The following SLC8A1 variants were observed in gnomAD, a reference collection of about 807,000 sequenced individuals.
SLC8A1 encodes the protein solute carrier family 8 member A1.
SLC8A1 carries 18 observed loss-of-function variants against 68.3 expected under a neutral mutation model. That is an observed-to-expected ratio of 0.26 (90% CI 0.18 to 0.39). The LOEUF (loss-of-function observed/expected upper bound fraction) is 0.39. Ranked by LOEUF, SLC8A1 falls within the 10% of genes least tolerant of loss-of-function variation. The pLI is 1.00. For synonymous variants in SLC8A1, 475 were observed against 415.5 expected, an observed-to-expected ratio of 1.14 and a Z score of -1.74; for missense variants, 985 against 1,156.7, an observed-to-expected ratio of 0.85 and a Z score of 2.15.
chr2:40,107,151 C>T (rs1427479277), exon 8 of SLC8A1: 2 of 152,016 alleles, frequency 1.3e-5, no homozygotes, highest in Non-Finnish European at 1.5e-5. Context: ...CCTCCTACTC[C>T]TCTGCTCCCA....
At chr2:40,250,065 T>A (rs1192129070) in intron 2 of SLC8A1, among the ~76,000 whole-genome samples, 1 of 152,206 alleles carries the variant, frequency 6.6e-6, no homozygotes, top group East Asian at 1.9e-4. Flanking sequence ...GTAACCTGAC[T>A]TAACAAGCTA....
intron 2 of SLC8A1, among the ~76,000 whole-genome samples, chr2:40,302,553 G>GTA (rs1175670214): frequency 4.8e-5 from 7 of 146,862 alleles, no homozygotes; most frequent in Middle Eastern, 3.6e-3. Context: ...TCATATATAT[G>GTA]TATATATATC....
intron 2 of SLC8A1, among the ~76,000 whole-genome samples, chr2:40,230,850 G>A (rs1425334592): frequency 6.6e-6 from 1 of 152,110 alleles, no homozygotes; most frequent in Non-Finnish European, 1.5e-5. Flanking sequence ...TTGAAAACTT[G>A]CCTCATATGG....
chr2:40,388,346 T>C (rs1195057701), intron 2 of SLC8A1, among the ~76,000 whole-genome samples: 2 of 152,196 alleles, frequency 1.3e-5, no homozygotes, highest in African/African-American at 4.8e-5. Flanking sequence ...TAATGAGTTC[T>C]GACAGCACGC....
At chr2:40,315,883 C>T (rs544049936) in intron 2 of SLC8A1, among the ~76,000 whole-genome samples, 1 of 152,120 alleles carries the variant, frequency 6.6e-6, no homozygotes, top group African/African-American at 2.4e-5. Flanking sequence ...GCAATGAGAA[C>T]ATTTGTCACT....
rs1027898512 is a variant in SLC8A1 at position 40,378,177 on chromosome 2, G to A, written c.1808+50296C>T. 2.0e-5 allele frequency among the ~76,000 whole-genome samples: 3 copies of A among 152,088 alleles called. 1 individual carries two copies. Among genetic ancestry groups the A allele is most frequent in the Admixed American group, 2.0e-4 (3 of 15,232 alleles). ...AAGAAATAAGAAAAACCACTGAAAT[G>A]CCTAGTATATTTCATATTGATAAGT... On this transcript the variant is annotated intron_variant, in intron 2 of 7. Coordinates refer to ENST00000406785, the Ensembl canonical transcript of SLC8A1.
At chr2:40,466,559 C>G (rs1703685660) in intron 1 of SLC8A1, among the ~76,000 whole-genome samples, 2 of 152,134 alleles carry the variant, frequency 1.3e-5, no homozygotes, top group Admixed American at 1.3e-4. Context: ...CTGCTCTGAG[C>G]CTTGCTTCCC....
At chr2:40,117,502 T>A (rs1192344357) in intron 7 of SLC8A1, among the ~76,000 whole-genome samples, 1 of 147,508 alleles carries the variant, frequency 6.8e-6, no homozygotes, top group East Asian at 2.0e-4. Context: ...GAGGTGGAGG[T>A]TGCAATGACC....
intron 2 of SLC8A1, among the ~76,000 whole-genome samples, chr2:40,209,801 A>C (rs2056235393): frequency 6.6e-6 from 1 of 152,144 alleles, no homozygotes; most frequent in African/African-American, 2.4e-5. Context: ...CAAGATCATC[A>C]GCTGACAGTA....
chr2:40,117,586 T>C (rs963200114), intron 7 of SLC8A1, among the ~76,000 whole-genome samples: 1 of 148,964 alleles, frequency 6.7e-6, no homozygotes, highest in Non-Finnish European at 1.5e-5. Flanking sequence ...AAAAATCAAA[T>C]AAAGTCCTTT....
At chr2:40,127,539 G>A (rs2038393393) in intron 7 of SLC8A1, among the ~76,000 whole-genome samples, 1 of 152,104 alleles carries the variant, frequency 6.6e-6, no homozygotes, top group Admixed American at 6.5e-5. Flanking sequence ...GCATAGTTGT[G>A]GTTACCTGCT....
intron 1 of SLC8A1, among the ~76,000 whole-genome samples, chr2:40,442,474 A>G (rs187692050): frequency 0.011 from 1,700 of 152,158 alleles, 36 homozygotes; most frequent in African/African-American, 0.038. Flanking sequence ...AAAAGAAGTC[A>G]TTTATGCAGC....
intron 2 of SLC8A1, among the ~76,000 whole-genome samples, chr2:40,284,270 T>G (rs762006253): frequency 6.0e-5 from 9 of 149,970 alleles, no homozygotes; most frequent in South Asian, 4.2e-4. Context: ...TATAAATATA[T>G]AGAGACATCT....
At chr2:40,324,563 AT>A (rs2075599436) in intron 2 of SLC8A1, among the ~76,000 whole-genome samples, 1 of 152,154 alleles carries the variant, frequency 6.6e-6, no homozygotes, top group African/African-American at 2.4e-5. Context: ...GAAGTAGCTC[AT>A]TTGTTTATTA....
At chr2:40,366,622 C>G (rs577947400) in intron 2 of SLC8A1, among the ~76,000 whole-genome samples, 9 of 152,104 alleles carry the variant, frequency 5.9e-5, no homozygotes, top group Middle Eastern at 3.4e-3. Flanking sequence ...TTATATAACT[C>G]GCTCAAGGTC....
At chr2:40,462,601 A>G (rs910729149) in intron 1 of SLC8A1, among the ~76,000 whole-genome samples, 4 of 151,818 alleles carry the variant, frequency 2.6e-5, no homozygotes, top group Middle Eastern at 3.4e-3. Flanking sequence ...TTAGCCCAGG[A>G]GTTCGAGACC....
chr2:40,202,177 G>C (rs912231841), intron 2 of SLC8A1, among the ~76,000 whole-genome samples: 4 of 151,926 alleles, frequency 2.6e-5, no homozygotes, highest in African/African-American at 9.7e-5. Context: ...ACAGTAAGAA[G>C]AGTAGGTCAA....
At chr2:40,208,202 C>G (rs901118516) in intron 2 of SLC8A1, among the ~76,000 whole-genome samples, 8 of 152,134 alleles carry the variant, frequency 5.3e-5, no homozygotes, top group African/African-American at 1.7e-4. Context: ...CCAGTGAGCA[C>G]TGAAGAAAAT....
intron 2 of SLC8A1, among the ~76,000 whole-genome samples, chr2:40,315,019 C>A (rs1419665548): frequency 6.6e-6 from 1 of 151,898 alleles, no homozygotes; most frequent in African/African-American, 2.4e-5. Context: ...ACCTCCAGTA[C>A]AACGTTGAAT....
Sources: gnomAD v4.1 joint callset for allele counts (sites outside exome capture counted in the v4.1 genomes callset) on GRCh38, gnomAD v4.1.1 for gene constraint, MANE v1.5 for transcripts, NCBI Gene and HGNC (gene_info 2026-07-23, HGNC 2026-07-21) for gene names.